The following NTRK3 variants were observed in gnomAD, a reference collection of about 807,000 sequenced individuals.
NTRK3 encodes NT-3 growth factor receptor.
Under a neutral mutation model 91.7 loss-of-function variants are expected in NTRK3, and 24 were observed. The ratio of observed to expected loss-of-function variants is 0.26; its 90% CI spans 0.19 to 0.37. The LOEUF is 0.37. NTRK3 is among the 10% of genes least tolerant of loss of function. The probability of loss-of-function intolerance (pLI) is 1.00; values close to 1 mark genes in which losing one functional copy is unlikely to be tolerated. For missense variants in NTRK3, 880 were observed against 1,068.9 expected, an observed-to-expected ratio of 0.82 and a Z score of 2.46; for synonymous variants, 483 against 404.0, an observed-to-expected ratio of 1.20 and a Z score of -2.34.
intron 13 of NTRK3, among the ~76,000 whole-genome samples, chr15:88,056,775 GACA>G (rs1467497231): frequency 1.3e-5 from 2 of 152,122 alleles, no homozygotes; most frequent in Non-Finnish European, 2.9e-5. Flanking sequence ...ACAGAGAGTC[GACA>G]ACATGTTCTT....
intron 13 of NTRK3, among the ~76,000 whole-genome samples, chr15:88,045,685 A>C (rs2080110311): frequency 6.6e-6 from 1 of 152,214 alleles, no homozygotes; most frequent in Admixed American, 6.5e-5. Flanking sequence ...ATGGTCCCTG[A>C]GACTCTGGAT....
exon 19 of NTRK3, chr15:87,876,881 T>G: frequency 6.3e-7 from 1 of 1,589,250 alleles, no homozygotes; most frequent in Non-Finnish European, 8.6e-7. Context: ...AAGGGAGATG[T>G]GAGGCAGGGA....
At chr15:87,946,572 C>T (rs1042147575) in intron 14 of NTRK3, among the ~76,000 whole-genome samples, 1 of 152,054 alleles carries the variant, frequency 6.6e-6, no homozygotes, top group Admixed American at 6.5e-5. Flanking sequence ...AGAAGCAGTC[C>T]CCTGCCACCA....
At chr15:87,945,627 C>T (rs1004723171) in intron 14 of NTRK3, among the ~76,000 whole-genome samples, 23 of 150,460 alleles carry the variant, frequency 1.5e-4, no homozygotes, top group South Asian at 6.3e-4. Context: ...TACACAGAGC[C>T]GCTGGATACA....
chr15:88,145,792 G>T (rs1597587456), intron 6 of NTRK3, among the ~76,000 whole-genome samples: 1 of 152,256 alleles, frequency 6.6e-6, no homozygotes, highest in East Asian at 1.9e-4. Flanking sequence ...ACCCAAGAAA[G>T]AGATCCCCCA....
At position 88,136,613 on chromosome 15, in the gene NTRK3, G is replaced by C; in HGVS notation, c.623-4C>G. On this transcript the variant is annotated splice_polypyrimidine_tract_variant and splice_region_variant and intron_variant, in intron 7 of 18. Transcript: ENST00000394480. ...CTCACGCTGATCTCAGGAAGGTCTG[G>C]GAGCCAGACAAAGTGGGTGAAAAGA... The C allele has an allele frequency of 6.2e-7, 1 of 1,611,930 alleles. No homozygotes were observed. Among genetic ancestry groups the C allele is most frequent in the Non-Finnish European group, 8.5e-7 (1 of 1,179,562 alleles).
chr15:87,999,725 G>T (rs1270370064), intron 14 of NTRK3, among the ~76,000 whole-genome samples: 1 of 152,162 alleles, frequency 6.6e-6, no homozygotes, highest in East Asian at 1.9e-4. Context: ...CTTAGGATAG[G>T]CTCATGGAAT....
intron 13 of NTRK3, among the ~76,000 whole-genome samples, chr15:88,036,290 G>C (rs532977708): frequency 3.3e-5 from 5 of 152,126 alleles, no homozygotes; most frequent in African/African-American, 1.2e-4. Flanking sequence ...AGGCAAGAGG[G>C]ATACATTTAT....
intron 5 of NTRK3, among the ~76,000 whole-genome samples, chr15:88,161,860 G>A (rs1422744094): frequency 1.3e-5 from 2 of 152,156 alleles, no homozygotes; most frequent in African/African-American, 4.8e-5. Context: ...ATCGTCCTGG[G>A]GGGCTGGGCA....
rs773615786 is a variant in NTRK3 at position 87,880,227 on chromosome 15, T to C, written c.2292+43A>G. The C allele has an allele frequency of 3.1e-6, 5 of 1,612,332 alleles. No individual in the cohort carries two copies. The South Asian group carries it at 4.4e-5, about 14-fold the overall frequency. On this transcript the variant is annotated intron_variant, in intron 18 of 18. Transcript: ENST00000394480. ...AAGTTCTGGGCTGAGATAGCTCTTA[T>C]GAGCCCTCCCCCAATCAAGATTCCT...
intron 6 of NTRK3, among the ~76,000 whole-genome samples, chr15:88,144,829 G>A (rs1477917976): frequency 2.6e-5 from 4 of 152,112 alleles, no homozygotes; most frequent in Admixed American, 2.6e-4. Flanking sequence ...TGGACACTCA[G>A]CCCTTCCATT....
chr15:88,070,047 G>C (rs1195453389), intron 13 of NTRK3, among the ~76,000 whole-genome samples: 1 of 152,248 alleles, frequency 6.6e-6, no homozygotes, highest in East Asian at 1.9e-4. Context: ...GTTTCTTTTT[G>C]CTCCCTTCTT....
At chr15:88,201,154 A>C (rs1281908997) in intron 3 of NTRK3, among the ~76,000 whole-genome samples, 3 of 152,208 alleles carry the variant, frequency 2.0e-5, no homozygotes, top group Non-Finnish European at 4.4e-5. Context: ...AGTCCCAATC[A>C]GATTCAAGCC....
In NTRK3 at chr15:87,981,095, T is replaced by G. The variant is rs2074221013; in HGVS notation, c.1586-40342A>C. The G allele has an allele frequency of 4.3e-6, 6 of 1,401,626 alleles. No homozygotes were observed. The East Asian group carries it at 1.5e-4, about 35-fold the overall frequency. The allele number at this position is 1,401,626 out of a possible 1,614,324, so 86.8% of individuals were successfully genotyped here. ...GGGATTTTTTTAGTACCAAATCCCG[T>G]GCTGGGCACCTAGTCGTACCTCAGT... On this transcript the variant is annotated intron_variant, in intron 14 of 18. Coordinates refer to ENST00000394480, the Ensembl canonical transcript of NTRK3.
intron 14 of NTRK3, among the ~76,000 whole-genome samples, chr15:87,945,854 C>T (rs2070437964): frequency 6.6e-6 from 1 of 151,506 alleles, no homozygotes; most frequent in South Asian, 2.1e-4. Flanking sequence ...AATCCTGACC[C>T]TCTTACTTAC....
chr15:87,989,203 C>G (rs139001198), intron 14 of NTRK3, among the ~76,000 whole-genome samples: 3,914 of 152,258 alleles, frequency 0.026, 68 homozygotes, highest in South Asian at 0.056. Flanking sequence ...CACATGCACA[C>G]GTATGTTTAT....
At chr15:87,927,000 A>G (rs2068366612) in intron 17 of NTRK3, 1 of 152,234 alleles carries the variant, frequency 6.6e-6, no homozygotes, top group African/African-American at 2.4e-5. Flanking sequence ...TCCCCCTCTT[A>G]GTAACCACAC....
intron 13 of NTRK3, among the ~76,000 whole-genome samples, chr15:88,035,089 T>C (rs1161650153): frequency 6.6e-6 from 1 of 152,094 alleles, no homozygotes; most frequent in Non-Finnish European, 1.5e-5. Context: ...AGTTCAATAA[T>C]ATTTTGGAAT....
intron 17 of NTRK3, chr15:87,928,801 A>C: frequency 3.0e-6 from 1 of 331,342 alleles, no homozygotes; most frequent in Non-Finnish European, 5.6e-6. Flanking sequence ...GGGTGAGGCT[A>C]GATCTGGGAC....
Sources: gnomAD v4.1 joint callset for allele counts (sites outside exome capture counted in the v4.1 genomes callset) on GRCh38, gnomAD v4.1.1 for gene constraint, MANE v1.5 for transcripts, NCBI Gene and HGNC (gene_info 2026-07-23, HGNC 2026-07-21) for gene names.